The following KCNIP1 variants were observed in gnomAD, a reference collection of about 807,000 sequenced individuals.
KCNIP1 encodes potassium voltage-gated channel interacting protein 1.
KCNIP1 carries 18 observed loss-of-function variants against 33.0 expected under a neutral mutation model. The observed-to-expected ratio is 0.55, with a 90% confidence interval of 0.38 to 0.81. KCNIP1 has a LOEUF of 0.81. KCNIP1 is among the 30% of genes least tolerant of loss of function. KCNIP1 has a pLI of 0.00. For missense variants in KCNIP1, 238 were observed against 271.6 expected, an observed-to-expected ratio of 0.88 and a Z score of 0.87; for synonymous variants, 93 against 98.3, an observed-to-expected ratio of 0.95 and a Z score of 0.32.
chr5:170,504,701 G>T lies in KCNIP1; in HGVS notation c.61+68G>T. On this transcript the variant is annotated intron_variant, in intron 1 of 7. Transcript: ENST00000328939. The surrounding 1 kb of genome is among the most constrained non-coding windows in gnomAD (Gnocchi z 6.0). ...GGTGCTAGGCGCCGAGGTGGGCTGT[G>T]CCACCTGCCTCCCTTAGTCCGGACT... 1.6e-6 allele frequency: 2 copies of T among 1,287,208 alleles called. No homozygotes were observed. Among genetic ancestry groups the T allele is most frequent in the Non-Finnish European group, 2.3e-6 (2 of 883,578 alleles). 79.7% of individuals were successfully genotyped at this position (1,287,208 alleles called of 1,614,324 possible). A position where few individuals can be genotyped will look rare whatever the true frequency, so the allele number is the denominator to read the frequency against.
chr5:170,411,396 C>A (rs779086262), intron 1 of KCNIP1, among the ~76,000 whole-genome samples: 3 of 152,214 alleles, frequency 2.0e-5, no homozygotes, highest in Non-Finnish European at 4.4e-5. Context: ...AAGTTCTCAT[C>A]CACTGTGCAG....
chr5:170,547,158 TTCTC>T (rs1002020893), intron 1 of KCNIP1, among the ~76,000 whole-genome samples: 7 of 152,210 alleles, frequency 4.6e-5, no homozygotes, highest in Non-Finnish European at 7.3e-5. Context: ...GGTCTAACTT[TTCTC>T]TCTAACTACT....
At chr5:170,527,302 A>G (rs1755615759) in intron 1 of KCNIP1, among the ~76,000 whole-genome samples, 1 of 152,214 alleles carries the variant, frequency 6.6e-6, no homozygotes, top group Non-Finnish European at 1.5e-5. Context: ...ATTACAAAAG[A>G]GACTTGAGTC....
intron 1 of KCNIP1, among the ~76,000 whole-genome samples, chr5:170,695,287 T>C (rs1762853420): frequency 6.6e-6 from 1 of 152,118 alleles, no homozygotes; most frequent in Admixed American, 6.5e-5. Flanking sequence ...TGCAACACTC[T>C]CCTAGCAGGT....
At chr5:170,714,625 C>G (rs1184905931) in intron 1 of KCNIP1, among the ~76,000 whole-genome samples, 2 of 151,886 alleles carry the variant, frequency 1.3e-5, no homozygotes. Flanking sequence ...GGTTCCTGAC[C>G]CTGTGTGGGC....
At chr5:170,374,997 T>C (rs544097790) in intron 1 of KCNIP1, 1 of 152,324 alleles carries the variant, frequency 6.6e-6, no homozygotes, top group African/African-American at 2.4e-5. Flanking sequence ...ATTGTTTGGG[T>C]ATTCTGAGTT....
At chr5:170,421,327 C>T (rs1464993110) in intron 1 of KCNIP1, among the ~76,000 whole-genome samples, 2 of 152,194 alleles carry the variant, frequency 1.3e-5, no homozygotes, top group Non-Finnish European at 2.9e-5. Flanking sequence ...CACCCAGTTT[C>T]GCCATGTGGT....
chr5:170,712,821 G>A lies in KCNIP1; in HGVS notation c.62-5937G>A, dbSNP rs766818464. On this transcript the variant is annotated intron_variant, in intron 1 of 7. Coordinates refer to ENST00000328939, the MANE Select transcript of KCNIP1 (RefSeq NM_014592.4). ...AGTGTGTTTTGCTTTTCGATGAATC[G>A]ATTTGGTAAAATGTTTTCTCACTCT... is the stretch of plus-strand genomic sequence containing the variant. The A allele has an allele frequency of 4.3e-5, 70 of 1,610,678 alleles. 1 individual carries two copies. The highest frequency in any genetic ancestry group is 3.6e-4 in the South Asian group (33 of 91,030).
rs112367111 is a variant in KCNIP1, at chr5:170,730,564, A to G, written c.436-2236A>G. ...AAAATATCAGACAGGAAAAGCATCAATGGCCATGTAGATGTGAAGGGCTTG... is the reference window on the plus strand; with the variant it reads ...AAAATATCAGACAGGAAAAGCATCAGTGGCCATGTAGATGTGAAGGGCTTG... On this transcript the variant is annotated intron_variant, in intron 5 of 7. Transcript: ENST00000328939. Among the ~76,000 whole-genome samples, 575 of 152,330 alleles carry G rather than the reference A, an allele frequency of 3.8e-3. 2 individuals are homozygous for G. Among genetic ancestry groups the G allele is most frequent in the African/African-American group, 0.013 (527 of 41,578 alleles).
chr5:170,530,116 T>C (rs1263188646), intron 1 of KCNIP1, among the ~76,000 whole-genome samples: 2 of 152,208 alleles, frequency 1.3e-5, no homozygotes, highest in Non-Finnish European at 2.9e-5. Context: ...AGAGACTAAA[T>C]TTATTGTTTA....
chr5:170,500,144 G>T (rs1184637648), upstream of KCNIP1, among the ~76,000 whole-genome samples: 1 of 152,160 alleles, frequency 6.6e-6, no homozygotes, highest in Non-Finnish European at 1.5e-5. Context: ...TGCTCACATG[G>T]TATCTTTGTG....
intron 1 of KCNIP1, among the ~76,000 whole-genome samples, chr5:170,664,933 CTGAG>C (rs1436709096): frequency 7.2e-5 from 11 of 152,298 alleles, no homozygotes; most frequent in Middle Eastern, 3.4e-3. Flanking sequence ...CCCGAACTAA[CTGAG>C]TGTCTCACTC....
At chr5:170,610,906 C>T (rs1759123160) in intron 1 of KCNIP1, among the ~76,000 whole-genome samples, 1 of 152,280 alleles carries the variant, frequency 6.6e-6, no homozygotes, top group African/African-American at 2.4e-5. Flanking sequence ...TTACTGAGTA[C>T]CTAGTATGTG....
intron 1 of KCNIP1, among the ~76,000 whole-genome samples, chr5:170,698,660 C>A (rs961333254): frequency 1.3e-5 from 2 of 152,064 alleles, no homozygotes; most frequent in African/African-American, 4.8e-5. Context: ...TCACCAGTGT[C>A]TCAGAAATGC....
chr5:170,404,640 AG>A (rs1405085982), intron 1 of KCNIP1, among the ~76,000 whole-genome samples: 1 of 152,136 alleles, frequency 6.6e-6, no homozygotes, highest in African/African-American at 2.4e-5. Flanking sequence ...CAGTAGGGAA[AG>A]CAGAAGCTGC....
At chr5:170,563,168 G>C (rs1016567100) in intron 1 of KCNIP1, among the ~76,000 whole-genome samples, 3 of 152,190 alleles carry the variant, frequency 2.0e-5, no homozygotes, top group African/African-American at 7.2e-5. Flanking sequence ...CTCCTCCAGA[G>C]TGCAGATGAC....
At chr5:170,680,385 A>G (rs942303216) in intron 1 of KCNIP1, 1 of 152,254 alleles carries the variant, frequency 6.6e-6, no homozygotes, top group African/African-American at 2.4e-5. Flanking sequence ...TTTCATTTCC[A>G]GAACATTTGC....
intron 5 of KCNIP1, among the ~76,000 whole-genome samples, chr5:170,729,496 T>C (rs916500461): frequency 1.3e-5 from 2 of 151,980 alleles, no homozygotes; most frequent in Non-Finnish European, 2.9e-5. Flanking sequence ...TAAAAATCTA[T>C]TAAGATATTT....
intron 1 of KCNIP1, among the ~76,000 whole-genome samples, chr5:170,615,295 A>C (rs187923563): frequency 1.6e-4 from 24 of 152,302 alleles, no homozygotes; most frequent in African/African-American, 5.3e-4. Flanking sequence ...TACTGTGGTG[A>C]ATCACCTTTC....
Sources: gnomAD v4.1 joint callset for allele counts (sites outside exome capture counted in the v4.1 genomes callset) on GRCh38, gnomAD v4.1.1 for gene constraint, Gnocchi (gnomAD v3.1) non-coding constraint, MANE v1.5 for transcripts, NCBI Gene and HGNC (gene_info 2026-07-23, HGNC 2026-07-21) for gene names.